Variants in BIRC6 observed in about 807,000 individuals in gnomAD.
BIRC6 encodes baculoviral IAP repeat containing 6.
In BIRC6, 98 loss-of-function variants were observed where a neutral mutation model predicts 503.3. The observed-to-expected ratio is 0.19, with a 90% CI of 0.17 to 0.23. The LOEUF (loss-of-function observed/expected upper bound fraction) is 0.23, where lower values mean the gene tolerates loss of function less well. BIRC6 is among the 10% of genes least tolerant of loss of function. BIRC6 has a pLI of 1.00. For missense variants in BIRC6, 5,360 were observed against 5,806.0 expected (o/e 0.92, Z 2.50); for synonymous variants, 2,240 against 2,078.7 (o/e 1.08, Z -2.11).
chr2:32,444,691 C>A (rs983228677), intron 20 of BIRC6, among the ~76,000 whole-genome samples: 4 of 152,120 alleles, frequency 2.6e-5, no homozygotes, highest in African/African-American at 9.7e-5. Flanking sequence ...TTTAAAAAAA[C>A]AACCCATTCA....
intron 10 of BIRC6, among the ~76,000 whole-genome samples, chr2:32,422,877 C>T (rs1406060870): frequency 6.6e-6 from 1 of 152,094 alleles, no homozygotes; most frequent in Non-Finnish European, 1.5e-5. Context: ...TTGTTTATTT[C>T]TGTTTTTTTC....
chr2:32,430,899 T>C lies in BIRC6; in HGVS notation c.3057T>C (p.Leu1019=). 1 of 1,611,090 alleles carries C rather than the reference T, an allele frequency of 6.2e-7. No homozygotes were observed. The highest frequency in any genetic ancestry group is 1.1e-5 in the South Asian group (1 of 91,036). ...VDLLVDQPFT[L]EILTSLVELT... is the part of the protein sequence containing the mutation. ...TATTGGTGGACCAGCCATTCACCCTTGAAATCTTGACATCCCTAGTGGAGC... is the reference window on the plus strand; with the variant it reads ...TATTGGTGGACCAGCCATTCACCCTCGAAATCTTGACATCCCTAGTGGAGC... The change falls in exon 12 of 74, where the codon CTT becomes CTC. Residue 1019 remains leucine, a synonymous_variant. Coordinates refer to ENST00000421745, the MANE Select transcript of BIRC6 (RefSeq NM_016252.4).
Position 32,449,221 on chromosome 2 carries a change from G to A in BIRC6, c.4618+293G>A, listed in dbSNP as rs983687184. ...TAATGCTTATGAGACTATTTAAAATGTATTTGTTGTAGCCTTTTCAGTTTT... is the reference window on the plus strand; with the variant it reads ...TAATGCTTATGAGACTATTTAAAATATATTTGTTGTAGCCTTTTCAGTTTT... On this transcript the variant is annotated intron_variant, in intron 22 of 73. Coordinates refer to ENST00000421745, the MANE Select transcript of BIRC6 (RefSeq NM_016252.4). 58 of 212,996 alleles carry A rather than the reference G, an allele frequency of 2.7e-4. 1 individual carries two copies. Among genetic ancestry groups the A allele is most frequent in the African/African-American group, 1.3e-3 (56 of 43,600 alleles). 13.2% of individuals were successfully genotyped at this position (212,996 alleles called of 1,614,324 possible).
At chr2:32,522,838 A>G (rs2055874509) in intron 57 of BIRC6, 1 of 152,226 alleles carries the variant, frequency 6.6e-6, no homozygotes, top group Non-Finnish European at 1.5e-5. Flanking sequence ...GACCCTGTAT[A>G]GATCTCTGGA....
chr2:32,577,881 C>T (rs1168544293), intron 66 of BIRC6, among the ~76,000 whole-genome samples: 1 of 152,120 alleles, frequency 6.6e-6, no homozygotes, highest in African/African-American at 2.4e-5. Flanking sequence ...AGCCAGAGAA[C>T]ATTCTTCAGA....
intron 32 of BIRC6, 188 bp from the exon 33 acceptor site, chr2:32,472,924 G>A (rs574655210): frequency 2.0e-6 from 1 of 505,374 alleles, no homozygotes; most frequent in South Asian, 2.8e-5. Context: ...GTCTACATTA[G>A]ATAATTGACA....
chr2:32,448,962 T>A, intron 22 of BIRC6, 34 bp downstream of exon 22: 1 of 1,585,162 alleles, frequency 6.3e-7, no homozygotes, highest in Non-Finnish European at 8.6e-7. Context: ...AAATTCTGAA[T>A]GTTGTATCTT....
chr2:32,379,472 A>G (rs1361003359), intron 2 of BIRC6: 1 of 152,202 alleles, frequency 6.6e-6, no homozygotes. Flanking sequence ...TTTAGCTTCT[A>G]TCCCTTCCTC....
Position 32,611,552 on chromosome 2 carries a change from G to T in BIRC6, c.14364G>T (p.Arg4788Ser), listed in dbSNP as rs776315759. The T allele has an allele frequency of 1.3e-6, 2 of 1,596,530 alleles. No individual in the cohort carries two copies. The highest frequency in any genetic ancestry group is 1.1e-5 in the South Asian group (1 of 88,648). The change falls in exon 73 of 74, where the codon AGG (arginine) becomes AGT (serine). Residue 4788 changes from arginine to serine, a missense_variant. Physicochemically the swap from Arg to Ser is moderately radical, Grantham distance 110 (BLOSUM62 -1). Around this residue, in one of 16 missense-constraint regions of BIRC6, gnomAD observed 140 missense variants for 130.2 expected, o/e 1.07. Coordinates refer to ENST00000421745, the MANE Select transcript of BIRC6 (RefSeq NM_016252.4). ...ACAGCAGTGATAAGCGGGTAGGCAGGACTATGTCTCACCATGCAGCAGCTC... is the reference window on the plus strand; with the variant it reads ...ACAGCAGTGATAAGCGGGTAGGCAGTACTATGTCTCACCATGCAGCAGCTC... ...QQYSSDKRVG[R>S]TMSHHAAALK...
At chr2:32,456,337 A>G (rs1295295809) in intron 23 of BIRC6, among the ~76,000 whole-genome samples, 1 of 152,212 alleles carries the variant, frequency 6.6e-6, no homozygotes, top group Non-Finnish European at 1.5e-5. Flanking sequence ...ATCATTGCAT[A>G]TAGACAGTTG....
At chr2:32,370,296 A>T (rs964735644) in intron 1 of BIRC6, among the ~76,000 whole-genome samples, 2 of 126,408 alleles carry the variant, frequency 1.6e-5, no homozygotes, top group Non-Finnish European at 3.2e-5. Context: ...ATGATGTCAG[A>T]TACTAAAGAT....
At position 32,607,570 on chromosome 2, in the gene BIRC6, G is replaced by T; in HGVS notation, c.14186G>T (p.Gly4729Val). 1 of 1,613,836 alleles carries T rather than the reference G, an allele frequency of 6.2e-7. No homozygotes were observed. Among genetic ancestry groups the T allele is most frequent in the Non-Finnish European group, 8.5e-7 (1 of 1,179,780 alleles). Reference protein sequence around the residue: ...SGTQSSREYDGNIRQATVKWA... With the variant: ...SGTQSSREYDVNIRQATVKWA... ...ACACAGAGTTCTCGAGAATATGATG[G>T]AAACATTCGACAAGCAACAGTTAAG... is the stretch of plus-strand genomic sequence containing the variant. The change falls in exon 72 of 74, where the codon GGA becomes GTA. Residue 4729 changes from glycine to valine, a missense_variant. By Grantham distance (109) the Gly-to-Val change is moderately radical (BLOSUM62 -3). This residue lies in a region of BIRC6 where 40 missense variants were observed against 53.4 expected (regional missense o/e 0.75). Coordinates refer to ENST00000421745, the MANE Select transcript of BIRC6 (RefSeq NM_016252.4).
intron 43 of BIRC6, among the ~76,000 whole-genome samples, 167 bp downstream of exon 43, chr2:32,490,318 C>T (rs961558445): frequency 4.6e-5 from 7 of 152,212 alleles, no homozygotes; most frequent in African/African-American, 9.6e-5. Flanking sequence ...GAGGCCAGCA[C>T]GGGTGGATCA....
chr2:32,442,895 G>A (rs2045573093), intron 19 of BIRC6, among the ~76,000 whole-genome samples: 1 of 152,044 alleles, frequency 6.6e-6, no homozygotes, highest in Non-Finnish European at 1.5e-5. Flanking sequence ...CCCAGGGCAT[G>A]TGTCCCAAGA....
rs775206210 is a variant in BIRC6, at chr2:32,357,169, C to CTGG, written c.17_19dup (p.Gly6dup). The CTGG allele has an allele frequency of 6.6e-7, 1 of 1,521,834 alleles. No homozygotes were observed. Among genetic ancestry groups the CTGG allele is most frequent in the Non-Finnish European group, 8.7e-7 (1 of 1,144,850 alleles). The allele number at this position is 1,521,834 out of a possible 1,614,324, so 94.3% of individuals were successfully genotyped here. On this transcript the variant is annotated inframe_insertion, in exon 1 of 74. Coordinates refer to ENST00000421745, the MANE Select transcript of BIRC6 (RefSeq NM_016252.4). This position sits in a 1 kb window ranked among gnomAD's most constrained non-coding sequence, Gnocchi z 4.9. ...CTTGCCCCCTGGCCCCGGATGGTGACTGGTGGTGGTGCTGCACCTCCCGGG... is the reference window on the plus strand; with the variant it reads ...CTTGCCCCCTGGCCCCGGATGGTGACTGGTGGTGGTGGTGCTGCACCTCCCGGG...
chr2:32,515,850 A>G, intron 55 of BIRC6, 80 bp downstream of exon 55: 1 of 1,321,330 alleles, frequency 7.6e-7, no homozygotes, highest in South Asian at 1.5e-5. Flanking sequence ...GTAATAATAA[A>G]TTTAGTGAGG....
At chr2:32,561,191 A>G (rs2059154413) in intron 65 of BIRC6, among the ~76,000 whole-genome samples, 1 of 150,264 alleles carries the variant, frequency 6.7e-6, no homozygotes, top group Non-Finnish European at 1.5e-5. Context: ...GAGTGAGACT[A>G]CATCTCAAAA....
intron 25 of BIRC6, 109 bp from the exon 26 acceptor site, chr2:32,464,956 A>G (rs2048365802): frequency 1.5e-6 from 2 of 1,335,974 alleles, no homozygotes; most frequent in South Asian, 2.9e-5. Flanking sequence ...ATATTACAGT[A>G]CATACATTAA....
At chr2:32,453,374 T>C (rs1051509317) in intron 22 of BIRC6, among the ~76,000 whole-genome samples, 2 of 152,210 alleles carry the variant, frequency 1.3e-5, no homozygotes, top group African/African-American at 4.8e-5. Flanking sequence ...TTTTGTGTCT[T>C]ATATTTATGC....
Sources: allele counts gnomAD v4.1 joint callset (sites outside exome capture counted in the v4.1 genomes callset), GRCh38; gene constraint gnomAD v4.1.1; regional missense constraint gnomAD v4.1.1; non-coding constraint Gnocchi (gnomAD v3.1); transcripts MANE v1.5; gene names NCBI Gene and HGNC (gene_info 2026-07-23, HGNC 2026-07-21).